TAF10: variants seen among roughly 807,000 people sequenced by gnomAD.
TAF10 encodes TATA-box binding protein associated factor 10.
Under a neutral mutation model 18.1 loss-of-function variants are expected in TAF10, and 2 were observed. That is an observed-to-expected ratio of 0.11 (90% CI 0.05 to 0.35). The LOEUF is 0.35. TAF10 is among the 10% of genes least tolerant of loss of function. The pLI is 1.00. For synonymous variants in TAF10, 158 were observed against 134.6 expected, an observed-to-expected ratio of 1.17 and a Z score of -1.20; for missense variants, 293 against 306.9, an observed-to-expected ratio of 0.95 and a Z score of 0.34.
In TAF10 at chr11:6,612,067, G is replaced by C. The variant is rs2134584555; in HGVS notation, c.123C>G (p.Asn41Lys). The change falls in exon 1 of 5, where the codon AAC becomes AAG. Residue 41 changes from asparagine (N) to lysine (K), a missense_variant. Coordinates refer to ENST00000299424, the MANE Select transcript of TAF10 (RefSeq NM_006284.4). Reference protein sequence around the residue: ...AALPSSTAAENKASPAGTAGG... With the variant: ...AALPSSTAAEKKASPAGTAGG... ...CCGCTGTCCCCGCGGGGCTGGCCTT[G>C]TTCTCCGCGGCGGTGCTGGAGGGCA... The C allele has an allele frequency of 4.3e-6, 6 of 1,404,188 alleles. No homozygotes were observed. Among genetic ancestry groups the C allele is most frequent in the Non-Finnish European group, 5.5e-6 (6 of 1,088,640 alleles). The allele number at this position is 1,404,188 out of a possible 1,614,324, so 87.0% of individuals were successfully genotyped here.
In TAF10 at chr11:6,609,497, C is replaced by T. The variant is rs759482036; in HGVS notation, c.*1425G>A. The T allele has an allele frequency of 4.3e-6, 7 of 1,614,124 alleles. No individual in the cohort carries two copies. In the Admixed American group the frequency reaches 1.2e-4, roughly 27 times the overall value. The stretch of plus-strand genomic sequence containing the variant: ...TCTTTTGTACTGGGTCTCAACCACT[C>T]CCTCCCTCTTCTAGGATTTTCTCGC... On this transcript the variant is annotated 3_prime_UTR_variant, in exon 5 of 5. Transcript: ENST00000299424.
In TAF10 at chr11:6,608,503, C is replaced by T. The variant is rs1245990517; in HGVS notation, c.*2419G>A. The T allele has an allele frequency of 6.2e-7, 1 of 1,600,572 alleles. No homozygotes were observed. Among genetic ancestry groups the T allele is most frequent in the Non-Finnish European group, 8.6e-7 (1 of 1,167,820 alleles). Reference sequence around the variant, plus strand: ...CAAGTGGCAGAGGTGAGTACTCAGCCCTTAATTCCTGAGATGGGTAGGAAG... The same window carrying T: ...CAAGTGGCAGAGGTGAGTACTCAGCTCTTAATTCCTGAGATGGGTAGGAAG... On this transcript the variant is annotated 3_prime_UTR_variant, in exon 5 of 5. Transcript: ENST00000299424. The surrounding 1 kb of genome is among the most constrained non-coding windows in gnomAD (Gnocchi z 4.9).
intron 1 of TAF10, 24 bp from the exon 2 acceptor site, chr11:6,611,842 GAC>G (rs770877313): frequency 1.1e-5 from 18 of 1,598,882 alleles, no homozygotes; most frequent in South Asian, 2.2e-5. Context: ...AGCAAAATGA[GAC>G]ACAGAGGTGG....
At position 6,611,433 on chromosome 11, in the gene TAF10, C is replaced by T; in HGVS notation, c.407G>A (p.Gly136Asp). The T allele has an allele frequency of 6.2e-7, 1 of 1,614,172 alleles. No homozygotes were observed. The highest frequency in any genetic ancestry group is 8.5e-7 in the Non-Finnish European group (1 of 1,180,030). Residue 136 changes from glycine (G) to aspartate (D), a missense_variant, in exon 3 of 5, where the codon GGT becomes GAT. By Grantham distance (94) the Gly-to-Asp change is moderately conservative (BLOSUM62 -1). Transcript: ENST00000299424. ...AAAGCCAGCACGGTTCAGGTAGTAACCAGTCACTGCATCTGGGATCTGAGA... is the reference window on the plus strand; with the variant it reads ...AAAGCCAGCACGGTTCAGGTAGTAATCAGTCACTGCATCTGGGATCTGAGA... ...YTPTIPDAVT[G>D]YYLNRAGFEA...
intron 2 of TAF10, 60 bp downstream of exon 2, chr11:6,611,604 C>T: frequency 6.3e-7 from 1 of 1,582,018 alleles, no homozygotes; most frequent in Non-Finnish European, 8.6e-7. Context: ...CGCTGAAAAG[C>T]ACGATGTGGC....
chr11:6,611,716 G>C lies in TAF10; in HGVS notation c.335C>G (p.Ser112Cys), dbSNP rs747673992. The change falls in exon 2 of 5, where the codon TCC becomes TGC. Residue 112 changes from serine (S) to cysteine (C), a missense_variant. By Grantham distance (112) the Ser-to-Cys change is moderately radical. Coordinates refer to ENST00000299424, the MANE Select transcript of TAF10 (RefSeq NM_006284.4). ...AANGDVKPVV[S>C]STPLVDFLMQ... ...CAAGAAGTCCACCAAAGGCGTGCTG[G>C]ACACCACGGGCTTCACGTCTCCGTT... 4 of 1,611,110 alleles carry C rather than the reference G, an allele frequency of 2.5e-6. No homozygotes were observed. The African/African-American group carries it at 4.0e-5, about 16-fold the overall frequency.
In TAF10 at chr11:6,611,512, G is replaced by A. The variant is rs758543262; in HGVS notation, c.388-60C>T. 3 of 1,605,192 alleles carry A rather than the reference G, an allele frequency of 1.9e-6. No homozygotes were observed. The African/African-American group carries it at 4.0e-5, about 21-fold the overall frequency. ...GGGAGGAGGGTGAGGGAAATGGATA[G>A]GCCTGATTATCAGGAAGCTCACAGT... On this transcript the variant is annotated intron_variant, in intron 2 of 4. Coordinates refer to ENST00000299424, the MANE Select transcript of TAF10 (RefSeq NM_006284.4).
chr11:6,606,485 C>T lies in TAF10; in HGVS notation c.*4437G>A, dbSNP rs951606705. On this transcript the variant is annotated 3_prime_UTR_variant, in exon 5 of 5. Coordinates refer to ENST00000299424, the MANE Select transcript of TAF10 (RefSeq NM_006284.4). ...TTCTCAAAGGGTACCCTGATAAAGA[C>T]AGTAAGCACTGTTACTGTTTTGTTG... The T allele has an allele frequency of 6.6e-6, 1 of 152,140 alleles. No homozygotes were observed. Among genetic ancestry groups the T allele is most frequent in the African/African-American group, 2.4e-5 (1 of 41,424 alleles). The allele number at this position is 152,140 out of a possible 1,614,324, so 9.4% of individuals were successfully genotyped here.
Position 6,608,402 on chromosome 11 carries a change from G to C in TAF10, c.*2520C>G, listed in dbSNP as rs1208088812. 1 of 1,613,980 alleles carries C rather than the reference G, an allele frequency of 6.2e-7. No homozygotes were observed. Among genetic ancestry groups the C allele is most frequent in the Non-Finnish European group, 8.5e-7 (1 of 1,179,820 alleles). On this transcript the variant is annotated 3_prime_UTR_variant, in exon 5 of 5. Transcript: ENST00000299424. This position sits in a 1 kb window ranked among gnomAD's most constrained non-coding sequence, Gnocchi z 4.9. ...CTGGCCATGGGGTCCAGCTATTGCA[G>C]TACAAGGCAGACATCAATGCAGTGA...
Position 6,608,864 on chromosome 11 carries a change from A to C in TAF10, c.*2058T>G, listed in dbSNP as rs1401782285. 3.7e-6 allele frequency: 6 copies of C among 1,613,724 alleles called. No homozygotes were observed. Among genetic ancestry groups the C allele is most frequent in the African/African-American group, 1.3e-5 (1 of 74,884 alleles). On this transcript the variant is annotated 3_prime_UTR_variant, in exon 5 of 5. Coordinates refer to ENST00000299424, the MANE Select transcript of TAF10 (RefSeq NM_006284.4). The surrounding 1 kb of genome is among the most constrained non-coding windows in gnomAD (Gnocchi z 4.9). ...GTCTTCTCCCTCTGTACCACAGCTT[A>C]GGTTGTTTTTCTTCCCTAGAGCGGG...
chr11:6,608,456 T>C lies in TAF10; in HGVS notation c.*2466A>G. The C allele has an allele frequency of 6.2e-7, 1 of 1,614,176 alleles. No individual in the cohort carries two copies. The highest frequency in any genetic ancestry group is 8.5e-7 in the Non-Finnish European group (1 of 1,179,976). On this transcript the variant is annotated 3_prime_UTR_variant, in exon 5 of 5. Coordinates refer to ENST00000299424, the MANE Select transcript of TAF10 (RefSeq NM_006284.4). This position sits in a 1 kb window ranked among gnomAD's most constrained non-coding sequence, Gnocchi z 4.9. Reference sequence around the variant, plus strand: ...AACACGGGAATGTGCCCCTGCACTATGCCTGTTTTTGGGGCCAAGATCAAG... The same window carrying C: ...AACACGGGAATGTGCCCCTGCACTACGCCTGTTTTTGGGGCCAAGATCAAG...
At position 6,610,361 on chromosome 11, in the gene TAF10, A is replaced by G. The variant is rs1403763441; in HGVS notation, c.*561T>C. 9.3e-6 allele frequency: 15 copies of G among 1,613,106 alleles called. No individual in the cohort carries two copies. The highest frequency in any genetic ancestry group is 6.7e-5 in the East Asian group (3 of 44,896). On this transcript the variant is annotated 3_prime_UTR_variant, in exon 5 of 5. Transcript: ENST00000299424. ...ACTGTAGTGGGCCTTGGCTCCTCAC[A>G]TATTTGTTCGGATATACAGTAATCC...
chr11:6,607,774 A>C lies in TAF10; in HGVS notation c.*3148T>G. On this transcript the variant is annotated 3_prime_UTR_variant, in exon 5 of 5. Transcript: ENST00000299424. Reference sequence around the variant, plus strand: ...AAGGGGTGCAAGAGAAACCAGGGGAAGAGCACTACCACCTAAGGAAATGAG... The same window carrying C: ...AAGGGGTGCAAGAGAAACCAGGGGACGAGCACTACCACCTAAGGAAATGAG... 1 of 483,202 alleles carries C rather than the reference A, an allele frequency of 2.1e-6. No individual in the cohort carries two copies. 29.9% of individuals were successfully genotyped at this position (483,202 alleles called of 1,614,324 possible). A position where few individuals can be genotyped will look rare whatever the true frequency, so the allele number is the denominator to read the frequency against.
rs767768086 is a variant in TAF10 at position 6,612,158 on chromosome 11, T to C, written c.32A>G (p.Glu11Gly). 445 of 1,186,198 alleles carry C rather than the reference T, an allele frequency of 3.8e-4. 5 individuals are homozygous for C. The South Asian group carries it at 0.015, about 39-fold the overall frequency. The allele number at this position is 1,186,198 out of a possible 1,614,324, so 73.5% of individuals were successfully genotyped here. MSCSGSGADP[E>G]AAPASAASAP... ...CGAGGCGGCGGAGGCCGGCGCCGCC[T>C]CGGGGTCCGCGCCGGAGCCGCTGCA... The change falls in exon 1 of 5, where the codon GAG (glutamate) becomes GGG (glycine). Residue 11 changes from glutamate (E) to glycine (G), a missense_variant. Glu to Gly is a moderately conservative substitution (Grantham distance 98). Transcript: ENST00000299424.
Position 6,611,419 on chromosome 11 carries a change from G to C in TAF10, c.421C>G (p.Arg141Gly). ...GGGTCTGAGGCCTCAAAGCCAGCAC[G>C]GTTCAGGTAGTAACCAGTCACTGCA... ...PDAVTGYYLN[R>G]AGFEASDPRI... The change falls in exon 3 of 5, where the codon CGT becomes GGT. Residue 141 changes from arginine to glycine, a missense_variant. Arg to Gly is a moderately radical substitution (Grantham distance 125). Transcript: ENST00000299424. The C allele has an allele frequency of 1.9e-6, 3 of 1,614,186 alleles. No individual in the cohort carries two copies. The highest frequency in any genetic ancestry group is 2.5e-6 in the Non-Finnish European group (3 of 1,180,034).
rs1855399121 is a variant in TAF10 at position 6,610,485 on chromosome 11, T to C, written c.*437A>G. ...AGGTGGCATTGGAAGGCCTTCGGCCTACCATCCCACCAGGTATTTCCCCTC... is the reference window on the plus strand; with the variant it reads ...AGGTGGCATTGGAAGGCCTTCGGCCCACCATCCCACCAGGTATTTCCCCTC... On this transcript the variant is annotated 3_prime_UTR_variant, in exon 5 of 5. Coordinates refer to ENST00000299424, the MANE Select transcript of TAF10 (RefSeq NM_006284.4). 2 of 1,614,240 alleles carry C rather than the reference T, an allele frequency of 1.2e-6. No individual in the cohort carries two copies. Among genetic ancestry groups the C allele is most frequent in the Non-Finnish European group, 1.7e-6 (2 of 1,180,040 alleles).
Position 6,611,303 on chromosome 11 carries a change from T to G in TAF10, c.453A>C (p.Ile151=). The part of the protein sequence containing the change: ...RAGFEASDPR[I]IRLISLAAQK... ...GGGCAGCTAAGGAGATGAGCCGAAT[T>G]CTAGAGAGAAAAAACTTAGATGAGA... Residue 151 remains isoleucine, a splice_region_variant and synonymous_variant, in exon 4 of 5, where the codon ATA becomes ATC. Transcript: ENST00000299424. 6.2e-7 allele frequency: 1 copy of G among 1,614,008 alleles called. No individual in the cohort carries two copies. The highest frequency in any genetic ancestry group is 1.1e-5 in the South Asian group (1 of 91,086).
Position 6,611,933 on chromosome 11 carries a change from CGCCCTCACCCGTCCCG to C in TAF10, c.232+9_232+24del, listed in dbSNP as rs981809542. 82 of 1,575,132 alleles carry C rather than the reference CGCCCTCACCCGTCCCG, an allele frequency of 5.2e-5. No homozygotes were observed. Among genetic ancestry groups the C allele is most frequent in the African/African-American group, 3.8e-4 (28 of 74,186 alleles). On this transcript the variant is annotated intron_variant, in intron 1 of 4. Transcript: ENST00000299424. ...TGGACCCAGCCCAAGACGCTTCCCT[CGCCCTCACCCGTCCCG>C]GCCCTCACCCGCCCCACGCCGCTCA...
Position 6,608,582 on chromosome 11 carries a change from A to T in TAF10, c.*2340T>A. The T allele has an allele frequency of 1.5e-6, 2 of 1,330,842 alleles. No homozygotes were observed. The highest frequency in any genetic ancestry group is 2.2e-6 in the Non-Finnish European group (2 of 921,758). 82.4% of individuals were successfully genotyped at this position (1,330,842 alleles called of 1,614,324 possible). ...GGAACCCTCAACCCATTCTGTCAGT[A>T]CTACTGTGTGACACTTACAGGATTA... is the stretch of plus-strand genomic sequence containing the variant. On this transcript the variant is annotated 3_prime_UTR_variant, in exon 5 of 5. Coordinates refer to ENST00000299424, the MANE Select transcript of TAF10 (RefSeq NM_006284.4). This position sits in a 1 kb window ranked among gnomAD's most constrained non-coding sequence, Gnocchi z 4.9.
Sources: gnomAD v4.1 joint callset for allele counts on GRCh38, gnomAD v4.1.1 for gene constraint, Gnocchi (gnomAD v3.1) non-coding constraint, MANE v1.5 for transcripts, NCBI Gene and HGNC (gene_info 2026-07-23, HGNC 2026-07-21) for gene names.